AMN: variants seen among roughly 807,000 people sequenced by gnomAD.
AMN encodes protein amnionless.
AMN carries 40 observed loss-of-function variants against 49.1 expected under a neutral mutation model. That is an observed-to-expected ratio of 0.81 (90% CI 0.63 to 1.06). The LOEUF (loss-of-function observed/expected upper bound fraction) is 1.06, where lower values mean the gene tolerates loss of function less well. Ranked by LOEUF, AMN falls within the 50% of genes least tolerant of loss-of-function variation. AMN has a pLI of 0.00. For missense variants in AMN, 701 were observed against 662.8 expected, an observed-to-expected ratio of 1.06 and a Z score of -0.63; for synonymous variants, 380 against 313.3, an observed-to-expected ratio of 1.21 and a Z score of -2.25.
At position 102,930,823 on chromosome 14, in the gene AMN, C is replaced by G. The variant is rs1891343482; in HGVS notation, c.*143C>G. 9.3e-6 allele frequency: 9 copies of G among 964,582 alleles called. No homozygotes were observed. The highest frequency in any genetic ancestry group is 1.4e-5 in the Non-Finnish European group (9 of 633,064). The allele number at this position is 964,582 out of a possible 1,614,324, so 59.8% of individuals were successfully genotyped here. On this transcript the variant is annotated 3_prime_UTR_variant, in exon 12 of 12. Transcript: ENST00000299155. ...GGGCCAAGGACAGGGTGGCCTTACT[C>G]AGTAAAGGTGTTTCCTGCACCTGCT...
chr14:102,923,759 A>G lies in AMN; in HGVS notation c.92A>G (p.Asp31Gly), dbSNP rs762065641. ...CTCTGGGTCCCCAACACGGACTTCG[A>G]CGTCGCAGCCAACTGGAGCCAGAAC... is the stretch of plus-strand genomic sequence containing the variant. ...SKLWVPNTDF[D>G]VAANWSQNRT... is the part of the protein sequence containing the mutation. Residue 31 changes from aspartate (D) to glycine (G), a missense_variant, in exon 2 of 12, where the codon GAC (aspartate) becomes GGC (glycine). Asp to Gly is a moderately conservative substitution (Grantham distance 94). Transcript: ENST00000299155. 1.9e-6 allele frequency: 3 copies of G among 1,612,730 alleles called. No homozygotes were observed. The highest frequency in any genetic ancestry group is 2.5e-6 in the Non-Finnish European group (3 of 1,179,858).
At chr14:102,924,023 G>C in intron 3 of AMN, 44 bp downstream of exon 3, 1 of 1,612,988 alleles carries the variant, frequency 6.2e-7, no homozygotes, top group Non-Finnish European at 8.5e-7. Flanking sequence ...GGTTCACAGA[G>C]TCTCTGAAGC....
Position 102,930,529 on chromosome 14 carries a change from G to A in AMN, c.1257+36G>A, listed in dbSNP as rs776745054. 9 of 1,544,132 alleles carry A rather than the reference G, an allele frequency of 5.8e-6. No homozygotes were observed. The South Asian group carries it at 1.1e-4, about 18-fold the overall frequency. On this transcript the variant is annotated intron_variant, in intron 11 of 11. Transcript: ENST00000299155. ...TGGAGGGGGGACCGGGGCCTCCTCG[G>A]GGCCGGGACTCGGCGCCGACCGCCG...
At chr14:102,928,070 G>A (rs539881538) in intron 3 of AMN, among the ~76,000 whole-genome samples, 16 of 152,284 alleles carry the variant, frequency 1.1e-4, no homozygotes, top group Admixed American at 2.6e-4. Flanking sequence ...ACGTTCTCAA[G>A]GGGCTACGGG....
chr14:102,926,926 C>G (rs1284224487), intron 3 of AMN, among the ~76,000 whole-genome samples: 1 of 151,564 alleles, frequency 6.6e-6, no homozygotes, highest in Non-Finnish European at 1.5e-5. Context: ...GGGTCTCACT[C>G]TGTTGCCCAG....
Position 102,930,765 on chromosome 14 carries a change from C to G in AMN, c.*85C>G. 7.2e-7 allele frequency: 1 copy of G among 1,390,890 alleles called. No individual in the cohort carries two copies. Among genetic ancestry groups the G allele is most frequent in the Non-Finnish European group, 9.9e-7 (1 of 1,012,608 alleles). The allele number at this position is 1,390,890 out of a possible 1,614,324, so 86.2% of individuals were successfully genotyped here. On this transcript the variant is annotated 3_prime_UTR_variant, in exon 12 of 12. Coordinates refer to ENST00000299155, the MANE Select transcript of AMN (RefSeq NM_030943.4). ...GGGCTAGCCACCTCCTCGTCCAGCC[C>G]CCAAACCTCCCCTTCCTTTCCCCCT...
At chr14:102,929,404 G>C (rs896201571) in intron 6 of AMN, 24 bp from the exon 7 acceptor site, 5 of 1,528,536 alleles carry the variant, frequency 3.3e-6, no homozygotes, top group Non-Finnish European at 4.4e-6. Flanking sequence ...GGCCCTCCGC[G>C]CTGACCACCG....
intron 2 of AMN, 44 bp from the exon 3 acceptor site, chr14:102,923,891 G>GC (rs1891126647): frequency 3.1e-6 from 5 of 1,613,020 alleles, no homozygotes; most frequent in Non-Finnish European, 4.2e-6. Flanking sequence ...TGTGGCCCCG[G>GC]TGGGGGTTGC....
Position 102,923,867 on chromosome 14 carries a change from G to T in AMN, c.162+38G>T, listed in dbSNP as rs201557681. ...GCCGGCGGGGTCGGTGATGGGCCTG[G>T]ACCCCTGAGACCGTGTGGCCCCGGT... On this transcript the variant is annotated intron_variant, in intron 2 of 11. Transcript: ENST00000299155. 3,526 of 1,612,744 alleles carry T rather than the reference G, an allele frequency of 2.2e-3. 2 individuals are homozygous for T. Among genetic ancestry groups the T allele is most frequent in the Non-Finnish European group, 2.8e-3 (3,263 of 1,179,826 alleles).
intron 3 of AMN, among the ~76,000 whole-genome samples, chr14:102,924,773 G>T (rs1439313129): frequency 6.6e-6 from 1 of 152,142 alleles, no homozygotes. Context: ...GCTTCATCAC[G>T]TATTAAAGGC....
intron 1 of AMN, 149 bp downstream of exon 1, chr14:102,922,880 C>A: frequency 1.8e-6 from 2 of 1,120,534 alleles, no homozygotes; most frequent in Non-Finnish European, 2.5e-6. Flanking sequence ...CTCGGCCCTG[C>A]CTCCCTCGTC....
rs767981046 is a variant in AMN at position 102,929,544 on chromosome 14, C to T, written c.760+8C>T. 3.2e-6 allele frequency: 5 copies of T among 1,540,128 alleles called. No individual in the cohort carries two copies. The highest frequency in any genetic ancestry group is 2.0e-5 in the Admixed American group (1 of 50,990). ...AGTGCTGTGACCTCTGTGGTAAGCG[C>T]CCCCGCCGGGCCCTGCTTGCTGGGA... On this transcript the variant is annotated splice_region_variant and intron_variant, in intron 7 of 11. Transcript: ENST00000299155.
At chr14:102,924,689 G>T (rs990590892) in intron 3 of AMN, among the ~76,000 whole-genome samples, 1 of 152,236 alleles carries the variant, frequency 6.6e-6, no homozygotes, top group African/African-American at 2.4e-5. Flanking sequence ...CCAAGAACAT[G>T]ATGGGAACTG....
At position 102,929,832 on chromosome 14, in the gene AMN, C is replaced by T. The variant is rs1005297327; in HGVS notation, c.844-92C>T. On this transcript the variant is annotated intron_variant, in intron 8 of 11. Transcript: ENST00000299155. ...CTTCTGCAGGGTCCCTGCGGCTGCT[C>T]ACTTGCCCACTATCTGCCTCTGCCC... 2.6e-6 allele frequency: 4 copies of T among 1,542,688 alleles called. No individual in the cohort carries two copies. In the Admixed American group the frequency reaches 5.9e-5, roughly 23 times the overall value.
chr14:102,923,650 C>G (rs1372208595), intron 1 of AMN, 61 bp from the exon 2 acceptor site: 3 of 1,450,896 alleles, frequency 2.1e-6, no homozygotes, highest in Admixed American at 3.3e-5. Context: ...GGGTGGGTGG[C>G]CTTCCCTGAG....
In AMN at chr14:102,930,166, C is replaced by A; in HGVS notation, c.1008C>A (p.Gly336=). 2 of 1,488,400 alleles carry A rather than the reference C, an allele frequency of 1.3e-6. No individual in the cohort carries two copies. Among genetic ancestry groups the A allele is most frequent in the South Asian group, 1.3e-5 (1 of 79,060 alleles). The allele number at this position is 1,488,400 out of a possible 1,614,324, so 92.2% of individuals were successfully genotyped here. The change falls in exon 10 of 12, where the codon GGC becomes GGA. Residue 336 remains glycine, a splice_region_variant and synonymous_variant. Coordinates refer to ENST00000299155, the MANE Select transcript of AMN (RefSeq NM_030943.4). ...ACTGAGCCGGCCCCTCCGTCGCAGGCGAGGCCCTCGGCGTCCTGGAGGCGA... is the reference window on the plus strand; with the variant it reads ...ACTGAGCCGGCCCCTCCGTCGCAGGAGAGGCCCTCGGCGTCCTGGAGGCGA... The part of the protein sequence containing the change: ...RALLADVAEN[G]EALGVLEATM...
chr14:102,928,668 A>G (rs1029607619), intron 4 of AMN, 90 bp from the exon 5 acceptor site: 10 of 1,516,450 alleles, frequency 6.6e-6, no homozygotes, highest in Admixed American at 1.9e-5. Flanking sequence ...GGGGCTTGGG[A>G]GGTCGTGCTC....
chr14:102,929,313 C>T (rs1891273068), intron 6 of AMN, 55 bp downstream of exon 6: 2 of 1,452,456 alleles, frequency 1.4e-6, no homozygotes, highest in East Asian at 2.6e-5. Context: ...GGACTGTGCC[C>T]GGGACAGGGC....
chr14:102,930,343 G>T lies in AMN; in HGVS notation c.1169+16G>T. 1 of 1,412,840 alleles carries T rather than the reference G, an allele frequency of 7.1e-7. No homozygotes were observed. Among genetic ancestry groups the T allele is most frequent in the Non-Finnish European group, 9.2e-7 (1 of 1,091,012 alleles). The allele number at this position is 1,412,840 out of a possible 1,614,324, so 87.5% of individuals were successfully genotyped here. A position where few individuals can be genotyped will look rare whatever the true frequency, so the allele number is the denominator to read the frequency against. On this transcript the variant is annotated intron_variant, in intron 10 of 11. Coordinates refer to ENST00000299155, the MANE Select transcript of AMN (RefSeq NM_030943.4). The stretch of plus-strand genomic sequence containing the variant: ...GGAGGCTCAGGTACGCGGGGCGGGG[G>T]CGCGGAGGTGGGGCTGGGGGTTGCT...
Sources: gnomAD v4.1 joint callset for allele counts (sites outside exome capture counted in the v4.1 genomes callset) on GRCh38, gnomAD v4.1.1 for gene constraint, MANE v1.5 for transcripts, NCBI Gene and HGNC (gene_info 2026-07-23, HGNC 2026-07-21) for gene names.